Variants in MCTP1 observed in about 807,000 individuals in gnomAD.
The protein encoded by MCTP1 is multiple C2 and transmembrane domain containing 1.
In MCTP1, 69 loss-of-function variants were observed where a neutral mutation model predicts 120.6. The ratio of observed to expected loss-of-function variants is 0.57; its 90% confidence interval spans 0.47 to 0.70. The LOEUF is 0.70. Among genes scored for constraint, MCTP1 ranks in the 30% least tolerant of loss-of-function variants. MCTP1 has a pLI of 0.00. For missense variants in MCTP1, 1,203 were observed against 1,248.8 expected, an observed-to-expected ratio of 0.96 and a Z score of 0.55; for synonymous variants, 529 against 493.1, an observed-to-expected ratio of 1.07 and a Z score of -0.96.
chr5:95,078,461 A>G (rs1754159920), intron 1 of MCTP1, among the ~76,000 whole-genome samples: 1 of 152,184 alleles, frequency 6.6e-6, no homozygotes, highest in Admixed American at 6.5e-5. Flanking sequence ...TCAGTTATGT[A>G]TGCTCATTCC....
intron 1 of MCTP1, among the ~76,000 whole-genome samples, chr5:95,066,039 C>A (rs1458340604): frequency 1.3e-5 from 2 of 152,058 alleles, no homozygotes; most frequent in African/African-American, 4.8e-5. Context: ...AAGCTCTGCA[C>A]AACAATGCAA....
intron 19 of MCTP1, 71 bp from the exon 20 acceptor site, chr5:94,714,957 C>A: frequency 1.1e-6 from 1 of 880,574 alleles, no homozygotes; most frequent in Non-Finnish European, 1.9e-6. Flanking sequence ...TTTGTGTTGT[C>A]CCTCTGTTAC....
intron 1 of MCTP1, among the ~76,000 whole-genome samples, chr5:95,025,131 C>T (rs187598690): frequency 2.0e-4 from 31 of 152,206 alleles, no homozygotes; most frequent in African/African-American, 6.7e-4. Flanking sequence ...GTGAAAAGAA[C>T]GAAGCTAGAG....
At chr5:94,762,211 C>A (rs1471228288) in intron 19 of MCTP1, among the ~76,000 whole-genome samples, 1 of 152,188 alleles carries the variant, frequency 6.6e-6, no homozygotes, top group Admixed American at 6.5e-5. Context: ...GGTTGTTTCA[C>A]TCTTTAATGA....
chr5:94,960,715 C>T (rs1262074822), intron 2 of MCTP1, among the ~76,000 whole-genome samples: 4 of 152,100 alleles, frequency 2.6e-5, no homozygotes, highest in Non-Finnish European at 5.9e-5. Flanking sequence ...ATTAAAACCC[C>T]AATGACACAC....
chr5:95,240,634 G>A lies in MCTP1; in HGVS notation c.720+43222C>T, dbSNP rs116064839. On this transcript the variant is annotated intron_variant, in intron 1 of 22. Coordinates refer to ENST00000515393, the MANE Select transcript of MCTP1 (RefSeq NM_024717.7). ...TTTGACAAATAGTGAATATTCAACA[G>A]ACTTTTAAAAATATTCAGCAAACAT... 3.8e-3 allele frequency among the ~76,000 whole-genome samples: 574 copies of A among 152,248 alleles called. 5 individuals are homozygous for A. Among genetic ancestry groups the A allele is most frequent in the African/African-American group, 0.012 (498 of 41,550 alleles).
intron 19 of MCTP1, among the ~76,000 whole-genome samples, chr5:94,724,662 A>G (rs904691985): frequency 7.2e-5 from 11 of 152,174 alleles, no homozygotes; most frequent in Non-Finnish European, 1.5e-4. Context: ...CAGATTTTGG[A>G]TATGATTTTG....
chr5:95,199,986 C>T (rs928255127), intron 1 of MCTP1, among the ~76,000 whole-genome samples: 5 of 151,780 alleles, frequency 3.3e-5, no homozygotes, highest in African/African-American at 1.2e-4. Flanking sequence ...CATGGTGAAA[C>T]CTCGTCTCTA....
intron 17 of MCTP1, among the ~76,000 whole-genome samples, chr5:94,863,245 C>G (rs1327204206): frequency 2.9e-4 from 44 of 151,682 alleles, no homozygotes; most frequent in Non-Finnish European, 1.5e-5. Context: ...ACTTGTTTCT[C>G]TGGTTTTCAG....
rs867966441 is a variant in MCTP1, at chr5:95,168,974, C to G, written c.720+114882G>C. Among the ~76,000 whole-genome samples the G allele has an allele frequency of 1.1e-4, 17 of 152,190 alleles. No homozygotes were observed. The South Asian group carries it at 3.5e-3, about 32-fold the overall frequency. ...TGAGAGAGGGCATCCCTGTCTTGTGCCAGTTTTCAAAGGGAATGCTTCCAG... is the reference window on the plus strand; with the variant it reads ...TGAGAGAGGGCATCCCTGTCTTGTGGCAGTTTTCAAAGGGAATGCTTCCAG... On this transcript the variant is annotated intron_variant, in intron 1 of 22. Coordinates refer to ENST00000515393, the MANE Select transcript of MCTP1 (RefSeq NM_024717.7).
chr5:95,230,689 G>A (rs1754832859), intron 1 of MCTP1, among the ~76,000 whole-genome samples: 1 of 152,120 alleles, frequency 6.6e-6, no homozygotes, highest in African/African-American at 2.4e-5. Context: ...ACTCCCACAT[G>A]TTTAGCGTTC....
At chr5:94,828,477 C>T (rs77469477) in intron 17 of MCTP1, among the ~76,000 whole-genome samples, 3,174 of 152,322 alleles carry the variant, frequency 0.021, 46 homozygotes, top group Non-Finnish European at 0.029. Context: ...AGAGCTTGAG[C>T]GCATTGCTGG....
intron 1 of MCTP1, among the ~76,000 whole-genome samples, chr5:95,056,326 G>A (rs913750239): frequency 6.6e-6 from 1 of 152,092 alleles, no homozygotes; most frequent in African/African-American, 2.4e-5. Context: ...ATATAGACAG[G>A]GTGGGTAGAA....
intron 1 of MCTP1, among the ~76,000 whole-genome samples, chr5:95,183,120 A>G (rs921277068): frequency 7.9e-5 from 12 of 152,136 alleles, no homozygotes; most frequent in African/African-American, 2.7e-4. Context: ...GGAACAGAAT[A>G]GAGTCCAGAA....
At chr5:95,071,246 C>T (rs574891926) in intron 1 of MCTP1, among the ~76,000 whole-genome samples, 1 of 152,278 alleles carries the variant, frequency 6.6e-6, no homozygotes, top group African/African-American at 2.4e-5. Flanking sequence ...CACGTGCAGC[C>T]CAAGAGCGTC....
chr5:95,175,607 A>G (rs187086017), intron 1 of MCTP1, among the ~76,000 whole-genome samples: 97 of 152,344 alleles, frequency 6.4e-4, no homozygotes, highest in Middle Eastern at 3.4e-3. Context: ...CTTGCAAATC[A>G]AATTCTAAAG....
At position 94,705,521 on chromosome 5, in the gene MCTP1, AAAG is replaced by A. The variant is rs1324122785; in HGVS notation, c.*1972_*1974del. On this transcript the variant is annotated 3_prime_UTR_variant, in exon 23 of 23. Coordinates refer to ENST00000515393, the MANE Select transcript of MCTP1 (RefSeq NM_024717.7). ...CTCTGAACCACCAAAAAAAAAAAAA[AAAG>A]GAGTGCTGATTATACGTGGGAAAGA... The A allele has an allele frequency of 2.1e-4, 32 of 151,416 alleles. No individual in the cohort carries two copies. The highest frequency in any genetic ancestry group is 7.2e-4 in the African/African-American group (30 of 41,420). The allele number at this position is 151,416 out of a possible 1,614,324, so 9.4% of individuals were successfully genotyped here. A position where few individuals can be genotyped will look rare whatever the true frequency, so the allele number is the denominator to read the frequency against.
Position 95,284,136 on chromosome 5 carries a change from G to A in MCTP1, c.440C>T (p.Pro147Leu), listed in dbSNP as rs1486642804. 1 of 1,554,602 alleles carries A rather than the reference G, an allele frequency of 6.4e-7. No individual in the cohort carries two copies. Among genetic ancestry groups the A allele is most frequent in the Admixed American group, 1.9e-5 (1 of 51,594 alleles). The change falls in exon 1 of 23, where the codon CCT becomes CTT. Residue 147 changes from proline to leucine, a missense_variant. By Grantham distance (98) the Pro-to-Leu change is moderately conservative (BLOSUM62 -3). Coordinates refer to ENST00000515393, the MANE Select transcript of MCTP1 (RefSeq NM_024717.7). The surrounding 1 kb of genome is among the most constrained non-coding windows in gnomAD (Gnocchi z 5.2). The part of the protein sequence containing the change: ...AAASGAAGGT[P>L]PGGRSPDSAP... ...TGAGTCGGGGGAGCGTCCGCCAGGA[G>A]GCGTCCCTCCCGCTGCTCCCGAGGC...
At chr5:94,847,678 GTGTGTATA>G (rs1316303889) in intron 17 of MCTP1, among the ~76,000 whole-genome samples, 95 of 130,612 alleles carry the variant, frequency 7.3e-4, no homozygotes, top group South Asian at 1.7e-3. Flanking sequence ...GTGTGTGTGT[GTGTGTATA>G]TATATATATA....
Sources: allele counts gnomAD v4.1 joint callset (sites outside exome capture counted in the v4.1 genomes callset), GRCh38; gene constraint gnomAD v4.1.1; non-coding constraint Gnocchi (gnomAD v3.1); transcripts MANE v1.5; gene names NCBI Gene and HGNC (gene_info 2026-07-23, HGNC 2026-07-21).